Variants in CFAP61 observed in about 807,000 individuals in gnomAD.
The protein encoded by CFAP61 is cilia- and flagella-associated protein 61.
Under a neutral mutation model 135.6 loss-of-function variants are expected in CFAP61, and 107 were observed. The observed-to-expected ratio is 0.79, with a 90% CI of 0.67 to 0.93. The LOEUF is 0.93. CFAP61 is among the 40% of genes least tolerant of loss of function. CFAP61 has a pLI of 0.00. For missense variants in CFAP61, 1,507 were observed against 1,556.2 expected, an observed-to-expected ratio of 0.97 and a Z score of 0.53; for synonymous variants, 575 against 578.5, an observed-to-expected ratio of 0.99 and a Z score of 0.09.
chr20:20,331,687 C>T (rs757514163), intron 25 of CFAP61, among the ~76,000 whole-genome samples: 3 of 152,114 alleles, frequency 2.0e-5, no homozygotes, highest in Non-Finnish European at 4.4e-5. Flanking sequence ...CTCAGCCTCA[C>T]AAAAGGTCAT....
rs139800761 is a variant in CFAP61, at chr20:20,121,777, A to C, written c.860-21080A>C. ...CCAAAATGCTGGGATTATAGGTACAAGCCACTGCACCTAGCTGATAAGTAC... is the reference window on the plus strand; with the variant it reads ...CCAAAATGCTGGGATTATAGGTACACGCCACTGCACCTAGCTGATAAGTAC... On this transcript the variant is annotated intron_variant, in intron 8 of 26. Coordinates refer to ENST00000245957, the MANE Select transcript of CFAP61 (RefSeq NM_015585.4). Among the ~76,000 whole-genome samples, 94 of 152,228 alleles carry C rather than the reference A, an allele frequency of 6.2e-4. No individual in the cohort carries two copies. The East Asian group carries it at 0.017, about 28-fold the overall frequency.
intron 20 of CFAP61, among the ~76,000 whole-genome samples, chr20:20,253,037 C>T (rs2051086522): frequency 2.0e-5 from 3 of 152,156 alleles, no homozygotes; most frequent in African/African-American, 7.2e-5. Context: ...TCATCTATAC[C>T]TTAGAATAGC....
intron 21 of CFAP61, chr20:20,265,365 A>C: frequency 1.3e-6 from 1 of 779,192 alleles, no homozygotes; most frequent in South Asian, 1.3e-5. Flanking sequence ...CAAAGCAAGA[A>C]GCGCTGTAGT....
At chr20:20,116,516 T>G (rs543562114) in intron 8 of CFAP61, among the ~76,000 whole-genome samples, 4 of 152,344 alleles carry the variant, frequency 2.6e-5, no homozygotes, top group African/African-American at 9.6e-5. Flanking sequence ...CAGACCAATG[T>G]CCTGGAGTGT....
At chr20:20,185,205 GC>G (rs2146860365) in intron 13 of CFAP61, among the ~76,000 whole-genome samples, 1 of 152,284 alleles carries the variant, frequency 6.6e-6, no homozygotes, top group Non-Finnish European at 1.5e-5. Flanking sequence ...TCTGAGAGGG[GC>G]CATACACATA....
chr20:20,251,571 C>T (rs2050912671), intron 19 of CFAP61, 24 bp from the exon 20 acceptor site: 4 of 1,611,728 alleles, frequency 2.5e-6, no homozygotes, highest in Non-Finnish European at 3.4e-6. Flanking sequence ...TCAGATGTCA[C>T]TTACGGAGCT....
intron 8 of CFAP61, among the ~76,000 whole-genome samples, chr20:20,105,433 G>C (rs891555521): frequency 2.6e-5 from 4 of 152,000 alleles, no homozygotes; most frequent in African/African-American, 9.7e-5. Context: ...TTCTCATTGT[G>C]ATCTGGGCTT....
intron 2 of CFAP61, among the ~76,000 whole-genome samples, chr20:20,060,790 C>T (rs556232175): frequency 6.6e-6 from 1 of 152,342 alleles, no homozygotes; most frequent in African/African-American, 2.4e-5. Flanking sequence ...TCCGGAAGTG[C>T]TCCTTCTCAG....
intron 17 of CFAP61, among the ~76,000 whole-genome samples, chr20:20,210,147 T>C (rs1299372233): frequency 2.0e-5 from 3 of 152,196 alleles, no homozygotes; most frequent in East Asian, 3.8e-4. Context: ...AAGGTGGCAG[T>C]AGAGTCTCCC....
chr20:20,071,903 G>A (rs1208704741), intron 3 of CFAP61, among the ~76,000 whole-genome samples: 3 of 151,960 alleles, frequency 2.0e-5, no homozygotes, highest in East Asian at 1.9e-4. Context: ...AGACCAAAAC[G>A]ATTATTTCAG....
chr20:20,116,755 CCCTCTACTCTTCCTGA>C (rs2049173678), intron 8 of CFAP61, among the ~76,000 whole-genome samples: 1 of 152,090 alleles, frequency 6.6e-6, no homozygotes, highest in African/African-American at 2.4e-5. Context: ...TCTCCCCCAC[CCCTCTACTCTTCCTGA>C]CCTCTAGTAA....
intron 10 of CFAP61, among the ~76,000 whole-genome samples, chr20:20,160,509 A>G (rs2179824): frequency 0.58 from 88,792 of 151,890 alleles, 26,344 homozygotes; most frequent in African/African-American, 0.67. Flanking sequence ...GAGAACACAA[A>G]TGGGCTTCCC....
intron 17 of CFAP61, 104 bp downstream of exon 17, chr20:20,200,006 A>C: frequency 7.5e-7 from 1 of 1,329,818 alleles, no homozygotes; most frequent in Non-Finnish European, 1.1e-6. Flanking sequence ...CTTCTTAATT[A>C]CAGGGAACCT....
intron 8 of CFAP61, among the ~76,000 whole-genome samples, chr20:20,116,904 A>T (rs1161589215): frequency 6.6e-6 from 1 of 152,138 alleles, no homozygotes; most frequent in African/African-American, 2.4e-5. Context: ...ATATATAGGT[A>T]TGTAACACTG....
rs116000602 is a variant in CFAP61, at chr20:20,133,843, G to A, written c.860-9014G>A. On this transcript the variant is annotated intron_variant, in intron 8 of 26. Transcript: ENST00000245957. The stretch of plus-strand genomic sequence containing the variant: ...TCAAGTTTATTGTACTGGTTGGCCT[G>A]GAGTCTACACCACATCCCAGGTAGG... Among the ~76,000 whole-genome samples, 1,207 of 152,218 alleles carry A rather than the reference G, an allele frequency of 7.9e-3. 11 individuals are homozygous for A. The highest frequency in any genetic ancestry group is 0.028 in the African/African-American group (1,157 of 41,526).
chr20:20,057,334 C>A (rs1285606262), intron 2 of CFAP61, among the ~76,000 whole-genome samples: 1 of 152,134 alleles, frequency 6.6e-6, no homozygotes, highest in African/African-American at 2.4e-5. Flanking sequence ...TGGATTCAAA[C>A]AAACTTGGTT....
intron 15 of CFAP61, among the ~76,000 whole-genome samples, chr20:20,192,328 C>T (rs1229533507): frequency 6.6e-6 from 1 of 152,062 alleles, no homozygotes; most frequent in Non-Finnish European, 1.5e-5. Flanking sequence ...TGGGTCCACT[C>T]TCCACCTTTC....
At chr20:20,160,580 A>T (rs2053310794) in intron 10 of CFAP61, among the ~76,000 whole-genome samples, 1 of 152,162 alleles carries the variant, frequency 6.6e-6, no homozygotes, top group Admixed American at 6.5e-5. Context: ...CCTGTGGGGC[A>T]GGGTCTCCCC....
intron 18 of CFAP61, among the ~76,000 whole-genome samples, chr20:20,245,221 C>T (rs1301460581): frequency 6.6e-6 from 1 of 152,232 alleles, no homozygotes; most frequent in Non-Finnish European, 1.5e-5. Flanking sequence ...CAGCGCCCCA[C>T]TCTACTGGTA....
Sources: allele counts gnomAD v4.1 joint callset (sites outside exome capture counted in the v4.1 genomes callset), GRCh38; gene constraint gnomAD v4.1.1; transcripts MANE v1.5; gene names NCBI Gene and HGNC (gene_info 2026-07-23, HGNC 2026-07-21).